Variants in MAGEC1 observed in about 807,000 individuals in gnomAD.
MAGEC1 encodes the protein MAGE family member C1, also known as melanoma-associated antigen C1.
Under a neutral mutation model 1.5 loss-of-function variants are expected in MAGEC1, and 3 were observed. That is an observed-to-expected ratio of 1.97 (90% confidence interval 0.90 to 5.10). The LOEUF (loss-of-function observed/expected upper bound fraction) is 5.10, where lower values mean the gene tolerates loss of function less well. MAGEC1 is among the 30% of genes most tolerant of loss of function. The probability of loss-of-function intolerance (pLI) is 0.02; values close to 1 mark genes in which losing one functional copy is unlikely to be tolerated. For synonymous variants in MAGEC1, 357 were observed against 310.4 expected (o/e 1.15, Z -1.58); for missense variants, 985 against 803.1 (o/e 1.23, Z -2.74).
At chrX:141,904,496 C>T (rs148816609) in intron 1 of MAGEC1, among the ~76,000 whole-genome samples, 15,719 of 110,836 alleles carry the variant, frequency 0.14, 1,137 homozygotes, top group African/African-American at 0.26. Flanking sequence ...TGGGAGGTGG[C>T]TGCCACCTCA....
rs2018167042 is a variant in MAGEC1 at position 141,904,828 on chromosome X, C to T, written c.-104+14C>T. ...CCAGGAGTCAAGGTGAGTGCACGACCTGACTGTGTACCAAGGGCCCTACCC... is the reference window on the plus strand; with the variant it reads ...CCAGGAGTCAAGGTGAGTGCACGACTTGACTGTGTACCAAGGGCCCTACCC... On this transcript the variant is annotated intron_variant, in intron 2 of 3. Transcript: ENST00000285879. The T allele has an allele frequency of 1.6e-5, 7 of 443,942 alleles. No individual in the cohort carries two copies. Among genetic ancestry groups the T allele is most frequent in the Non-Finnish European group, 2.8e-5 (7 of 254,539 alleles). The allele number at this position is 443,942 out of a possible 1,213,427, so 36.6% of individuals were successfully genotyped here.
At position 141,908,124 on chromosome X, in the gene MAGEC1, C is replaced by T. The variant is rs1194905200; in HGVS notation, c.2720C>T (p.Thr907Ile). Reference protein sequence around the residue: ...LIESEPLFTYTLDEKVDELAR... With the variant: ...LIESEPLFTYILDEKVDELAR... ...GAGAGCGAGCCCTTGTTCACTTATA[C>T]ACTGGATGAAAAGGTGGACGAGTTG... The change falls in exon 4 of 4, where the codon ACA (threonine) becomes ATA (isoleucine). Residue 907 changes from threonine to isoleucine, a missense_variant. By Grantham distance (89) the Thr-to-Ile change is moderately conservative. Transcript: ENST00000285879. The T allele has an allele frequency of 5.0e-6, 6 of 1,210,242 alleles. No individual in the cohort carries two copies. Among genetic ancestry groups the T allele is most frequent in the African/African-American group, 3.5e-5 (2 of 57,210 alleles).
At position 141,907,853 on chromosome X, in the gene MAGEC1, T is replaced by C. The variant is rs370950783; in HGVS notation, c.2449T>C (p.Phe817Leu). Reference protein sequence around the residue: ...QSPLQSPVSSFPSSTSSSLSQ... With the variant: ...QSPLQSPVSSLPSSTSSSLSQ... ...TCCTCTCCAGAGTCCTGTGAGCTCC[T>C]TCCCCTCCTCCACTTCATCGAGTCT... Residue 817 changes from phenylalanine to leucine, a missense_variant, in exon 4 of 4, where the codon TTC becomes CTC. By Grantham distance (22) the Phe-to-Leu change is conservative (BLOSUM62 0). Coordinates refer to ENST00000285879, the MANE Select transcript of MAGEC1 (RefSeq NM_005462.5). 36 of 1,209,367 alleles carry C rather than the reference T, an allele frequency of 3.0e-5. No individual in the cohort carries two copies. The highest frequency in any genetic ancestry group is 1.5e-4 in the Admixed American group (7 of 45,758).
At chrX:141,905,266 G>C (rs1181919527) in intron 3 of MAGEC1, 143 bp from the exon 4 acceptor site, 1 of 826,370 alleles carries the variant, frequency 1.2e-6, no homozygotes, top group Non-Finnish European at 1.8e-6. Context: ...TACTGGAGTT[G>C]GTAGATGCAG....
chrX:141,905,356 C>G, intron 3 of MAGEC1, 53 bp from the exon 4 acceptor site: 1 of 1,089,802 alleles, frequency 9.2e-7, no homozygotes, highest in Non-Finnish European at 1.3e-6. Flanking sequence ...CCTCGTCCTC[C>G]TCCTGTTTTT....
In MAGEC1 at chrX:141,907,565, C is replaced by T; in HGVS notation, c.2161C>T (p.Leu721Phe). 4 of 1,199,086 alleles carry T rather than the reference C, an allele frequency of 3.3e-6. No individual in the cohort carries two copies. Among genetic ancestry groups the T allele is most frequent in the South Asian group, 1.8e-5 (1 of 56,393 alleles). The change falls in exon 4 of 4, where the codon CTC becomes TTC. Residue 721 changes from leucine (L) to phenylalanine (F), a missense_variant. Physicochemically the swap from Leu to Phe is conservative, Grantham distance 22. Transcript: ENST00000285879. ...GAGTCCTCCTGAGTGGGAGGACTCCCTCTCTCCTCTCCACTTTCCTCAGTT... is the reference window on the plus strand; with the variant it reads ...GAGTCCTCCTGAGTGGGAGGACTCCTTCTCTCCTCTCCACTTTCCTCAGTT... ...PQSPPEWEDS[L>F]SPLHFPQFPP...
chrX:141,905,803 T>C lies in MAGEC1; in HGVS notation c.399T>C (p.Ser133=), dbSNP rs1171691393. 3 of 1,211,886 alleles carry C rather than the reference T, an allele frequency of 2.5e-6. No individual in the cohort carries two copies. The change falls in exon 4 of 4, where the codon AGT becomes AGC. Residue 133 remains serine, a synonymous_variant. Transcript: ENST00000285879. ...AGTCTCCTCTGCAGAATCCTGCGAGTTCCTTCTTCTCCTCTGCTTTATTGA... is the reference window on the plus strand; with the variant it reads ...AGTCTCCTCTGCAGAATCCTGCGAGCTCCTTCTTCTCCTCTGCTTTATTGA... ...DVQSPLQNPA[S]SFFSSALLSI...
At position 141,908,341 on chromosome X, in the gene MAGEC1, A is replaced by G. The variant is rs141524131; in HGVS notation, c.2937A>G (p.Thr979=). 3.5e-3 allele frequency: 4,230 copies of G among 1,209,399 alleles called. 4 individuals carry two copies. The highest frequency in any genetic ancestry group is 4.1e-3 in the Non-Finnish European group (3,681 of 895,105). Residue 979 remains threonine, a synonymous_variant, in exon 4 of 4, where the codon ACA becomes ACG. Transcript: ENST00000285879. The part of the protein sequence containing the change: ...DPDDSYVFVN[T]LDLTSEGCLS... ...ATGACTCCTATGTCTTTGTAAACAC[A>G]TTAGACCTCACCTCTGAGGGGTGTC... is the stretch of plus-strand genomic sequence containing the variant.
chrX:141,908,490 G>A lies in MAGEC1; in HGVS notation c.3086G>A (p.Arg1029His), dbSNP rs147768551. The change falls in exon 4 of 4, where the codon CGT becomes CAT. Residue 1029 changes from arginine to histidine, a missense_variant. By Grantham distance (29) the Arg-to-His change is conservative. Transcript: ENST00000285879. Reference sequence around the variant, plus strand: ...GATGTGCTGAGTGGAATAGGGGTGCGTGCTGGGAGGGAGCACTTTGCCTTT... The same window carrying A: ...GATGTGCTGAGTGGAATAGGGGTGCATGCTGGGAGGGAGCACTTTGCCTTT... The part of the protein sequence containing the change: ...IWDVLSGIGV[R>H]AGREHFAFGE... The A allele has an allele frequency of 2.1e-3, 2,530 of 1,194,218 alleles. 4 individuals carry two copies. The highest frequency in any genetic ancestry group is 9.6e-3 in the African/African-American group (539 of 56,409).
rs760429763 is a variant in MAGEC1 at position 141,908,591 on chromosome X, TCTC to T, written c.3194_3196del (p.Pro1065del). ...AGAGTACCGGGAGGTGCCCAACTCT[TCTC>T]CTCCTCGTTACGAATTCCTGTGGGG... On this transcript the variant is annotated inframe_deletion, in exon 4 of 4. Transcript: ENST00000285879. The T allele has an allele frequency of 2.2e-5, 27 of 1,205,720 alleles. No homozygotes were observed. Among genetic ancestry groups the T allele is most frequent in the South Asian group, 5.3e-5 (3 of 56,159 alleles).
chrX:141,908,743 A>C lies in MAGEC1; in HGVS notation c.3339A>C (p.Arg1113Ser). 1 of 1,210,993 alleles carries C rather than the reference A, an allele frequency of 8.3e-7. No homozygotes were observed. Among genetic ancestry groups the C allele is most frequent in the Non-Finnish European group, 1.1e-6 (1 of 894,841 alleles). ...ATGCTTTGAAAGATGTGGAAGAGAG[A>C]GCCCAGGCCATAATTGACACCACAG... ...YKDALKDVEE[R>S]AQAIIDTTDD... Residue 1113 changes from arginine (R) to serine (S), a missense_variant, in exon 4 of 4, where the codon AGA (arginine) becomes AGC (serine). Transcript: ENST00000285879.
Position 141,908,226 on chromosome X carries a change from G to A in MAGEC1, c.2822G>A (p.Arg941Lys). ...GAGATGCTGACGAATGTCATCAGCA[G>A]GTACACGGGCTACTTTCCTGTGATC... is the stretch of plus-strand genomic sequence containing the variant. The part of the protein sequence containing the change: ...KAEMLTNVIS[R>K]YTGYFPVIFR... The change falls in exon 4 of 4, where the codon AGG becomes AAG. Residue 941 changes from arginine (R) to lysine (K), a missense_variant. Transcript: ENST00000285879. The A allele has an allele frequency of 8.3e-7, 1 of 1,211,627 alleles. No homozygotes were observed. Among genetic ancestry groups the A allele is most frequent in the Non-Finnish European group, 1.1e-6 (1 of 895,483 alleles).
At position 141,906,410 on chromosome X, in the gene MAGEC1, T is replaced by G. The variant is rs1731361421; in HGVS notation, c.1006T>G (p.Ser336Ala). 1.7e-6 allele frequency: 2 copies of G among 1,192,683 alleles called. No individual in the cohort carries two copies. Among genetic ancestry groups the G allele is most frequent in the Non-Finnish European group, 2.3e-6 (2 of 881,145 alleles). Residue 336 changes from serine (S) to alanine (A), a missense_variant, in exon 4 of 4, where the codon TCT becomes GCT. Ser to Ala is a moderately conservative substitution (Grantham distance 99). Coordinates refer to ENST00000285879, the MANE Select transcript of MAGEC1 (RefSeq NM_005462.5). ...THSTFEGFPQ[S>A]LLQIPMTSSF... ...CAGTACTTTTGAGGGTTTTCCCCAG[T>G]CTCTTCTCCAGATTCCTATGACCTC...
In MAGEC1 at chrX:141,906,073, TA is replaced by T. The variant is rs756653232; in HGVS notation, c.670del (p.Thr224LeufsTer14). On this transcript the variant is annotated frameshift_variant, in exon 4 of 4. Transcript: ENST00000285879. LOFTEE classifies it low-confidence loss of function (END_TRUNC). Reference sequence around the variant, plus strand: ...AGAGTTCCCCTGAGAGAACTCAGAGTACTTTTGAGGGTTTTGCCCAGTCTCC... The same window carrying T: ...AGAGTTCCCCTGAGAGAACTCAGAGTCTTTTGAGGGTTTTGCCCAGTCTCC... ...FQSSPERTQS[T>X]FEGFAQSPLQ... 2.7e-6 allele frequency: 2 copies of T among 746,363 alleles called. No homozygotes were observed. Among genetic ancestry groups the T allele is most frequent in the South Asian group, 6.2e-5 (2 of 32,215 alleles). 61.5% of individuals were successfully genotyped at this position (746,363 alleles called of 1,213,427 possible).
Position 141,903,928 on chromosome X carries a change from C to T in MAGEC1, c.-252C>T, listed in dbSNP as rs1414035271. On this transcript the variant is annotated 5_prime_UTR_variant, in exon 1 of 4. Transcript: ENST00000285879. ...ACCTGAGGCATTTTGTGACGAGGAT[C>T]GTCTCAGGTCAGCGGAGGGAGGAGA... The T allele has an allele frequency of 6.8e-5, 9 of 131,823 alleles. No individual in the cohort carries two copies. In the East Asian group the frequency reaches 1.3e-3, roughly 19 times the overall value. The allele number at this position is 131,823 out of a possible 1,213,427, so 10.9% of individuals were successfully genotyped here.
Position 141,906,051 on chromosome X carries a change from G to T in MAGEC1, c.647G>T (p.Ser216Ile). 1 of 1,165,971 alleles carries T rather than the reference G, an allele frequency of 8.6e-7. No individual in the cohort carries two copies. ...FSSTLLSIFQ[S>I]SPERTQSTFE... The stretch of plus-strand genomic sequence containing the variant: ...TCCACTTTATTGAGTATTTTCCAGA[G>T]TTCCCCTGAGAGAACTCAGAGTACT... Residue 216 changes from serine (S) to isoleucine (I), a missense_variant, in exon 4 of 4, where the codon AGT becomes ATT. Ser to Ile is a moderately radical substitution (Grantham distance 142, BLOSUM62 -2). Transcript: ENST00000285879.
chrX:141,908,791 T>C lies in MAGEC1; in HGVS notation c.3387T>C (p.Ser1129=), dbSNP rs1364247128. The C allele has an allele frequency of 4.1e-6, 5 of 1,206,380 alleles. No homozygotes were observed. The African/African-American group carries it at 8.8e-5, about 21-fold the overall frequency. The part of the protein sequence containing the change: ...DTTDDSTATE[S]ASSSVMSPSF... Reference sequence around the variant, plus strand: ...CAGATGATTCGACTGCCACAGAAAGTGCAAGCTCCAGTGTCATGTCCCCCA... The same window carrying C: ...CAGATGATTCGACTGCCACAGAAAGCGCAAGCTCCAGTGTCATGTCCCCCA... Residue 1129 remains serine, a synonymous_variant, in exon 4 of 4, where the codon AGT becomes AGC. Transcript: ENST00000285879.
At chrX:141,904,934 C>G (rs2018167760) in intron 2 of MAGEC1, 36 bp from the exon 3 acceptor site, 15 of 951,273 alleles carry the variant, frequency 1.6e-5, no homozygotes, top group Non-Finnish European at 1.6e-5. Context: ...TGCCTGCCAG[C>G]TGTGCCCCGA....
At position 141,908,348 on chromosome X, in the gene MAGEC1, C is replaced by A; in HGVS notation, c.2944C>A (p.Leu982Ile). ...CTATGTCTTTGTAAACACATTAGAC[C>A]TCACCTCTGAGGGGTGTCTGAGTGA... ...DSYVFVNTLD[L>I]TSEGCLSDEQ... The change falls in exon 4 of 4, where the codon CTC (leucine) becomes ATC (isoleucine). Residue 982 changes from leucine to isoleucine, a missense_variant. Coordinates refer to ENST00000285879, the MANE Select transcript of MAGEC1 (RefSeq NM_005462.5). 1.7e-6 allele frequency: 2 copies of A among 1,211,323 alleles called. No individual in the cohort carries two copies. The highest frequency in any genetic ancestry group is 2.2e-6 in the Non-Finnish European group (2 of 895,399).
Sources: allele counts gnomAD v4.1 joint callset (sites outside exome capture counted in the v4.1 genomes callset), GRCh38; gene constraint gnomAD v4.1.1; transcripts MANE v1.5; gene names NCBI Gene and HGNC (gene_info 2026-07-23, HGNC 2026-07-21).